KAZN: variants seen among roughly 807,000 people sequenced by gnomAD.
KAZN encodes kazrin.
A neutral mutation model predicts 87.4 loss-of-function variants in KAZN; 40 were observed. The observed-to-expected ratio is 0.46, with a 90% CI of 0.36 to 0.60. KAZN has a LOEUF of 0.60. KAZN is among the 20% of genes least tolerant of loss of function. KAZN has a pLI of 0.00. For synonymous variants in KAZN, 466 were observed against 458.3 expected (o/e 1.02, Z -0.22); for missense variants, 898 against 1,073.9 (o/e 0.84, Z 2.29).
chr1:15,033,121 G>A (rs953765286), intron 2 of KAZN, among the ~76,000 whole-genome samples: 8 of 152,130 alleles, frequency 5.3e-5, no homozygotes, highest in Non-Finnish European at 8.8e-5. Flanking sequence ...GAGATAAAGT[G>A]TATGAGGGGA....
chr1:14,218,883 A>T (rs1647027679), intron 2 of KAZN, among the ~76,000 whole-genome samples: 2 of 115,936 alleles, frequency 1.7e-5, no homozygotes, highest in African/African-American at 6.8e-5. Flanking sequence ...ACTCAGATAA[A>T]TTAATAGATC....
intron 1 of KAZN, among the ~76,000 whole-genome samples, chr1:14,841,959 C>T (rs2100934962): frequency 6.6e-6 from 1 of 152,302 alleles, no homozygotes; most frequent in South Asian, 2.1e-4. Flanking sequence ...TGTTCCTTTT[C>T]CCCACACACA....
chr1:14,149,609 C>G (rs1050361535), intron 1 of KAZN, among the ~76,000 whole-genome samples: 1 of 152,128 alleles, frequency 6.6e-6, no homozygotes, highest in African/African-American at 2.4e-5. Flanking sequence ...GTCACCACTA[C>G]GTCATCTGAT....
intron 1 of KAZN, among the ~76,000 whole-genome samples, chr1:14,130,175 C>T (rs1644962251): frequency 6.6e-6 from 1 of 152,148 alleles, no homozygotes; most frequent in Non-Finnish European, 1.5e-5. Flanking sequence ...GGGCTATCGC[C>T]TCTCTCCTCT....
chr1:14,264,244 C>T (rs1651303490), intron 2 of KAZN, among the ~76,000 whole-genome samples: 1 of 152,222 alleles, frequency 6.6e-6, no homozygotes, highest in East Asian at 1.9e-4. Flanking sequence ...TTCAGTTCCT[C>T]GCAATTGTAG....
intron 6 of KAZN, 59 bp downstream of exon 6, chr1:15,060,361 G>C (rs886312182): frequency 2.3e-5 from 37 of 1,602,778 alleles, no homozygotes; most frequent in East Asian, 1.6e-4. Context: ...CTGCAGGGGC[G>C]GGGGTGGCGG....
intron 2 of KAZN, among the ~76,000 whole-genome samples, chr1:15,011,467 G>A (rs1200798878): frequency 6.6e-6 from 1 of 152,116 alleles, no homozygotes; most frequent in African/African-American, 2.4e-5. Flanking sequence ...CAGAAATTTG[G>A]GAGAGGCCCT....
rs562665018 is a variant in KAZN at position 14,996,508 on chromosome 1, A to C, written c.418+35633A>C. On this transcript the variant is annotated intron_variant, in intron 2 of 14. Coordinates refer to ENST00000376030, the MANE Select transcript of KAZN (RefSeq NM_201628.3). This position sits in a 1 kb window ranked among gnomAD's most constrained non-coding sequence, Gnocchi z 5.9. Reference sequence around the variant, plus strand: ...TAGGGGGGATGGACGCCATGCTGAGAAAGCTGCCAAATTCCCCCACCTTGT... The same window carrying C: ...TAGGGGGGATGGACGCCATGCTGAGCAAGCTGCCAAATTCCCCCACCTTGT... Among the ~76,000 whole-genome samples the C allele has an allele frequency of 5.3e-5, 8 of 152,180 alleles. No homozygotes were observed. In the South Asian group the frequency reaches 1.2e-3, roughly 24 times the overall value.
At chr1:15,027,224 G>A (rs1180861544) in intron 2 of KAZN, among the ~76,000 whole-genome samples, 1 of 152,008 alleles carries the variant, frequency 6.6e-6, no homozygotes, top group Non-Finnish European at 1.5e-5. Flanking sequence ...TGGGACTACA[G>A]GCGCCCGCAC....
In KAZN at chr1:15,067,851, T is replaced by G. The variant is rs1639319877; in HGVS notation, c.1222+2098T>G. On this transcript the variant is annotated intron_variant, in intron 8 of 14. Coordinates refer to ENST00000376030, the MANE Select transcript of KAZN (RefSeq NM_201628.3). Reference sequence around the variant, plus strand: ...GACAGATTTTAGAAAATACTTTTCTTGCCCATGAATTTCTTTTCTGGTTGA... The same window carrying G: ...GACAGATTTTAGAAAATACTTTTCTGGCCCATGAATTTCTTTTCTGGTTGA... The G allele has an allele frequency of 3.1e-6, 3 of 973,410 alleles. No individual in the cohort carries two copies. The Admixed American group carries it at 1.8e-4, about 60-fold the overall frequency. 60.3% of individuals were successfully genotyped at this position (973,410 alleles called of 1,614,324 possible).
chr1:14,841,557 G>C (rs940319131), intron 1 of KAZN, among the ~76,000 whole-genome samples: 3 of 151,894 alleles, frequency 2.0e-5, no homozygotes, highest in Non-Finnish European at 4.4e-5. Context: ...GAGCATTAAA[G>C]AGCAGATGGC....
At chr1:14,690,171 G>A (rs971944783) in intron 1 of KAZN, among the ~76,000 whole-genome samples, 7 of 152,166 alleles carry the variant, frequency 4.6e-5, no homozygotes, top group African/African-American at 1.4e-4. Context: ...ACACTCCGCC[G>A]CGGCAGTGCT....
intron 1 of KAZN, among the ~76,000 whole-genome samples, chr1:14,734,548 G>A (rs1024237836): frequency 3.3e-5 from 5 of 152,070 alleles, no homozygotes; most frequent in African/African-American, 1.2e-4. Flanking sequence ...CCCGACCTCA[G>A]GTGATACACC....
rs78348002 is a variant in KAZN at position 14,912,992 on chromosome 1, T to C, written c.227-47692T>C. On this transcript the variant is annotated intron_variant, in intron 1 of 14. Coordinates refer to ENST00000376030, the MANE Select transcript of KAZN (RefSeq NM_201628.3). ...GGCCCACAGTAAATGGTAGCTATTG[T>C]TCTTTCCTAAGACCTGAGACACTTG... Among the ~76,000 whole-genome samples, 569 of 152,314 alleles carry C rather than the reference T, an allele frequency of 3.7e-3. 1 individual carries two copies. Among genetic ancestry groups the C allele is most frequent in the African/African-American group, 0.013 (547 of 41,564 alleles).
intron 1 of KAZN, among the ~76,000 whole-genome samples, chr1:14,691,975 TA>T (rs1161756111): frequency 6.6e-6 from 1 of 151,652 alleles, no homozygotes; most frequent in Non-Finnish European, 1.5e-5. Context: ...TGTATTAAAT[TA>T]GACAAAGAAA....
At chr1:14,744,341 A>G (rs1321853096) in intron 1 of KAZN, among the ~76,000 whole-genome samples, 1 of 152,228 alleles carries the variant, frequency 6.6e-6, no homozygotes, top group Non-Finnish European at 1.5e-5. Context: ...ATCAAGGTCC[A>G]GTGAGGTTAG....
chr1:14,705,997 G>A (rs1256479641), intron 1 of KAZN, among the ~76,000 whole-genome samples: 2 of 152,102 alleles, frequency 1.3e-5, no homozygotes, highest in Non-Finnish European at 2.9e-5. Context: ...CACTCCCCAT[G>A]GCTCACATTA....
chr1:14,213,088 G>T (rs1002243122), intron 2 of KAZN, among the ~76,000 whole-genome samples: 4 of 152,014 alleles, frequency 2.6e-5, no homozygotes, highest in African/African-American at 9.7e-5. Context: ...TCCTCTACTT[G>T]GGAAGATTTT....
chr1:14,360,246 G>A (rs1314921474), intron 2 of KAZN, among the ~76,000 whole-genome samples: 6 of 151,968 alleles, frequency 3.9e-5, no homozygotes, highest in Non-Finnish European at 8.8e-5. Flanking sequence ...ATTGATACTT[G>A]TGTATGATTC....
Sources: gnomAD v4.1 joint callset for allele counts (sites outside exome capture counted in the v4.1 genomes callset) on GRCh38, gnomAD v4.1.1 for gene constraint, Gnocchi (gnomAD v3.1) non-coding constraint, MANE v1.5 for transcripts, NCBI Gene and HGNC (gene_info 2026-07-23, HGNC 2026-07-21) for gene names.